GRIK1: variants seen among roughly 807,000 people sequenced by gnomAD.
GRIK1 encodes glutamate ionotropic receptor kainate type subunit 1, also known as glutamate receptor ionotropic, kainate 1.
GRIK1 carries 69 observed loss-of-function variants against 105.7 expected under a neutral mutation model. That is an observed-to-expected ratio of 0.65 (90% CI 0.54 to 0.80). The LOEUF is 0.80. Among genes scored for constraint, GRIK1 ranks in the 30% least tolerant of loss-of-function variants. GRIK1 has a pLI of 0.00. For missense variants in GRIK1, 1,109 were observed against 1,167.3 expected, an observed-to-expected ratio of 0.95 and a Z score of 0.73; for synonymous variants, 438 against 431.3, an observed-to-expected ratio of 1.02 and a Z score of -0.19.
intron 1 of GRIK1, among the ~76,000 whole-genome samples, chr21:29,716,109 C>T (rs1335067851): frequency 6.6e-6 from 1 of 152,108 alleles, no homozygotes; most frequent in Non-Finnish European, 1.5e-5. Context: ...TTTCTGCCTC[C>T]ATGTGAAGAA....
chr21:29,729,574 A>G (rs771795488), intron 1 of GRIK1, among the ~76,000 whole-genome samples: 54 of 152,200 alleles, frequency 3.5e-4, no homozygotes, highest in Non-Finnish European at 6.0e-4. Flanking sequence ...CTACCAGGGT[A>G]GACAGGGAAA....
intron 1 of GRIK1, among the ~76,000 whole-genome samples, chr21:29,724,072 T>C (rs2064391073): frequency 6.6e-6 from 1 of 152,220 alleles, no homozygotes; most frequent in South Asian, 2.1e-4. Context: ...ACATATATAA[T>C]TTTTATAAGA....
intron 7 of GRIK1, among the ~76,000 whole-genome samples, chr21:29,634,101 A>G (rs2062344062): frequency 6.6e-6 from 1 of 152,178 alleles, no homozygotes; most frequent in Admixed American, 6.5e-5. Flanking sequence ...CCCATACAAA[A>G]TCAGCCAACC....
chr21:29,728,773 G>A (rs1210262812), intron 1 of GRIK1, among the ~76,000 whole-genome samples: 5 of 152,016 alleles, frequency 3.3e-5, no homozygotes, highest in African/African-American at 1.2e-4. Context: ...GCAGAACAAG[G>A]GAAGATAAAA....
chr21:29,830,382 C>G, intron 1 of GRIK1, among the ~76,000 whole-genome samples: 1 of 146,650 alleles, frequency 6.8e-6, no homozygotes, highest in Non-Finnish European at 1.5e-5. Context: ...TATTCTTATA[C>G]AAAACAAAGG....
intron 1 of GRIK1, among the ~76,000 whole-genome samples, chr21:29,784,299 C>A (rs1174617991): frequency 9.2e-5 from 14 of 152,088 alleles, no homozygotes; most frequent in Admixed American, 9.2e-4. Flanking sequence ...ACCTTGAGTA[C>A]ATGTGAAGAA....
chr21:29,701,808 G>A (rs1362847046), intron 1 of GRIK1, among the ~76,000 whole-genome samples: 2 of 152,146 alleles, frequency 1.3e-5, no homozygotes, highest in Admixed American at 6.5e-5. Flanking sequence ...GTGGAATTGG[G>A]ATGTGACAAA....
intron 1 of GRIK1, among the ~76,000 whole-genome samples, chr21:29,920,791 A>G (rs1331601432): frequency 2.0e-5 from 3 of 151,990 alleles, no homozygotes; most frequent in Admixed American, 2.0e-4. Flanking sequence ...TTTCAGATGG[A>G]CATGTTTTCA....
intron 1 of GRIK1, among the ~76,000 whole-genome samples, chr21:29,823,071 G>A (rs904436796): frequency 3.3e-5 from 5 of 151,908 alleles, no homozygotes; most frequent in Admixed American, 2.6e-4. Context: ...TAGTTTCCTT[G>A]CCAATAAGAT....
chr21:29,749,339 A>G (rs1163935267), intron 1 of GRIK1, among the ~76,000 whole-genome samples: 1 of 152,232 alleles, frequency 6.6e-6, no homozygotes, highest in Admixed American at 6.5e-5. Flanking sequence ...GATGATAGAA[A>G]GCTCACTAGA....
chr21:29,661,300 A>G lies in GRIK1; in HGVS notation c.727-6437T>C, dbSNP rs188053458. On this transcript the variant is annotated intron_variant, in intron 4 of 17. Transcript: ENST00000327783. ...GGTTCTCTAAAGATGTCTACGTCCT[A>G]ATTCCAGAACCAATGGAATATGTTC... Among the ~76,000 whole-genome samples, 114 of 152,340 alleles carry G rather than the reference A, an allele frequency of 7.5e-4. 1 individual carries two copies. Among genetic ancestry groups the G allele is most frequent in the Admixed American group, 1.3e-4 (2 of 15,306 alleles).
intron 3 of GRIK1, among the ~76,000 whole-genome samples, chr21:29,678,544 C>G (rs2063315762): frequency 1.3e-5 from 2 of 152,064 alleles, no homozygotes; most frequent in Admixed American, 6.6e-5. Flanking sequence ...CCTGGAATAT[C>G]TAAATATTGG....
chr21:29,672,956 C>T, intron 4 of GRIK1, 27 bp downstream of exon 4: 4 of 1,540,842 alleles, frequency 2.6e-6, no homozygotes, highest in Non-Finnish European at 2.7e-6. Flanking sequence ...TTATCCCACA[C>T]CTCCACCTCC....
chr21:29,782,339 G>A (rs1246513880), intron 1 of GRIK1, among the ~76,000 whole-genome samples: 1 of 152,040 alleles, frequency 6.6e-6, no homozygotes, highest in Non-Finnish European at 1.5e-5. Context: ...GCCCTCCTTG[G>A]CCTCCCAAAG....
At chr21:29,875,530 G>A (rs988862577) in intron 1 of GRIK1, among the ~76,000 whole-genome samples, 1 of 151,856 alleles carries the variant, frequency 6.6e-6, no homozygotes, top group Non-Finnish European at 1.5e-5. Flanking sequence ...AATGATTTAC[G>A]CCTGGTATCC....
At chr21:29,675,732 T>G (rs2063252560) in intron 3 of GRIK1, among the ~76,000 whole-genome samples, 1 of 152,258 alleles carries the variant, frequency 6.6e-6, no homozygotes, top group African/African-American at 2.4e-5. Flanking sequence ...GAGGCATCAA[T>G]TACCACTTAA....
chr21:29,792,912 G>A (rs1601711005), intron 1 of GRIK1, among the ~76,000 whole-genome samples: 1 of 152,138 alleles, frequency 6.6e-6, no homozygotes, highest in Non-Finnish European at 1.5e-5. Flanking sequence ...TTTTTAATTA[G>A]CTTCCTCAGA....
At chr21:29,879,051 G>C (rs192903605) in intron 1 of GRIK1, among the ~76,000 whole-genome samples, 8 of 152,204 alleles carry the variant, frequency 5.3e-5, no homozygotes, top group African/African-American at 7.2e-5. Flanking sequence ...GTTGAAAGAG[G>C]AGCAGGACAG....
At chr21:29,825,811 A>G (rs79040761) in intron 1 of GRIK1, among the ~76,000 whole-genome samples, 1,612 of 152,218 alleles carry the variant, frequency 0.011, 25 homozygotes, top group African/African-American at 0.037. Flanking sequence ...TCTGTAATGC[A>G]CAGGCAGTCA....
Sources: gnomAD v4.1 joint callset for allele counts (sites outside exome capture counted in the v4.1 genomes callset) on GRCh38, gnomAD v4.1.1 for gene constraint, MANE v1.5 for transcripts, NCBI Gene and HGNC (gene_info 2026-07-23, HGNC 2026-07-21) for gene names.